HEATR9: variants seen among roughly 807,000 people sequenced by gnomAD.
HEATR9 encodes HEAT repeat containing 9.
In HEATR9, 54 loss-of-function variants were observed where a neutral mutation model predicts 68.2. The ratio of observed to expected loss-of-function variants is 0.79; its 90% CI spans 0.64 to 0.99. The LOEUF (loss-of-function observed/expected upper bound fraction) is 0.99. Ranked by LOEUF, HEATR9 falls within the 50% of genes least tolerant of loss-of-function variation. The pLI, the probability that HEATR9 is intolerant of heterozygous loss-of-function variation, is 0.00. For synonymous variants in HEATR9, 241 were observed against 253.5 expected (o/e 0.95, Z 0.47); for missense variants, 662 against 679.7 (o/e 0.97, Z 0.29).
chr17:35,860,075 G>T (rs1471337869), intron 8 of HEATR9, among the ~76,000 whole-genome samples: 1 of 151,932 alleles, frequency 6.6e-6, no homozygotes, highest in Admixed American at 6.6e-5. Flanking sequence ...ATCTCTTCTC[G>T]CCTATTTAAG....
At position 35,866,740 on chromosome 17, in the gene HEATR9, G is replaced by T; in HGVS notation, c.122C>A (p.Pro41His). ...LRKAMAPVHL[P>H]LSCYQMPKEE... ...GGGTCTTACCTGGTAGCAGGACAAGGGCAGATGAACAGGAGCCATGGCTTT... is the reference window on the plus strand; with the variant it reads ...GGGTCTTACCTGGTAGCAGGACAAGTGCAGATGAACAGGAGCCATGGCTTT... The change falls in exon 2 of 15, where the codon CCC becomes CAC. Residue 41 changes from proline (P) to histidine (H), a missense_variant. Transcript: ENST00000604834. 1 of 1,614,090 alleles carries T rather than the reference G, an allele frequency of 6.2e-7. No individual in the cohort carries two copies. The highest frequency in any genetic ancestry group is 2.2e-5 in the East Asian group (1 of 44,890).
rs765954145 is a variant in HEATR9, at chr17:35,864,860, G to C, written c.351C>G (p.Ile117Met). 1 of 1,614,218 alleles carries C rather than the reference G, an allele frequency of 6.2e-7. No homozygotes were observed. Among genetic ancestry groups the C allele is most frequent in the South Asian group, 1.1e-5 (1 of 91,092 alleles). Residue 117 changes from isoleucine to methionine, a missense_variant, in exon 4 of 15, where the codon ATC becomes ATG. Transcript: ENST00000604834. The stretch of plus-strand genomic sequence containing the variant: ...TGCTCATTGGGAGATGGAACATTTT[G>C]ATGTGGGTTTGATGTACCTCTTTGA... Reference protein sequence around the residue: ...RYIKEVHQTHIKMFHLPMSKL... With the variant: ...RYIKEVHQTHMKMFHLPMSKL...
In HEATR9 at chr17:35,862,446, G is replaced by C. The variant is rs575869972; in HGVS notation, c.756+549C>G. Among the ~76,000 whole-genome samples the C allele has an allele frequency of 2.0e-5, 3 of 152,270 alleles. No homozygotes were observed. In the South Asian group the frequency reaches 6.2e-4, roughly 32 times the overall value. On this transcript the variant is annotated intron_variant, in intron 8 of 14. Coordinates refer to ENST00000604834, the MANE Select transcript of HEATR9 (RefSeq NM_152781.4). ...GGGTCTGAGGACTCTCTTGGGCCCCGTCCCTTCTTGACAGGTTTTACCATA... is the reference window on the plus strand; with the variant it reads ...GGGTCTGAGGACTCTCTTGGGCCCCCTCCCTTCTTGACAGGTTTTACCATA...
At chr17:35,868,130 C>T (rs190512195) in intron 1 of HEATR9, among the ~76,000 whole-genome samples, 4 of 152,264 alleles carry the variant, frequency 2.6e-5, no homozygotes, top group Admixed American at 2.6e-4. Flanking sequence ...CATGGGATCA[C>T]GCTTTGAGGA....
chr17:35,857,266 A>G (rs2087806735), intron 11 of HEATR9, among the ~76,000 whole-genome samples: 1 of 152,180 alleles, frequency 6.6e-6, no homozygotes, highest in African/African-American at 2.4e-5. Context: ...GACAACAGGT[A>G]TAAATCAGGA....
intron 6 of HEATR9, 110 bp downstream of exon 6, chr17:35,864,136 G>T: frequency 1.2e-6 from 1 of 845,106 alleles, no homozygotes; most frequent in Non-Finnish European, 2.0e-6. Flanking sequence ...TGTCCTTACT[G>T]GATCTGACCC....
intron 9 of HEATR9, 23 bp from the exon 10 acceptor site, chr17:35,858,548 A>G (rs1485730948): frequency 6.3e-7 from 1 of 1,599,410 alleles, no homozygotes; most frequent in African/African-American, 1.3e-5. Flanking sequence ...AGGGTAGGGC[A>G]GGGTGTACAG....
At chr17:35,860,089 A>AT (rs1450820214) in intron 8 of HEATR9, among the ~76,000 whole-genome samples, 1 of 152,122 alleles carries the variant, frequency 6.6e-6, no homozygotes, top group Non-Finnish European at 1.5e-5. Flanking sequence ...ATTTAAGGAC[A>AT]TCATTTAAGA....
At position 35,859,017 on chromosome 17, in the gene HEATR9, G is replaced by A. The variant is rs776979011; in HGVS notation, c.810C>T (p.Ile270=). 4 of 1,614,082 alleles carry A rather than the reference G, an allele frequency of 2.5e-6. No individual in the cohort carries two copies. The East Asian group carries it at 6.7e-5, about 27-fold the overall frequency. Residue 270 remains isoleucine, a synonymous_variant, in exon 9 of 15, where the codon ATC becomes ATT. Transcript: ENST00000604834. The part of the protein sequence containing the change: ...GKLVPVLQTL[I]KKSSSEASLE... ...GAGATGCTTCACTGGACGACTTCTT[G>A]ATCAGTGTCTGTAGTACAGGCACCA...
chr17:35,858,278 CA>C lies in HEATR9; in HGVS notation c.1073del (p.Leu358ArgfsTer9). ...CTAGCCCCTGTGCCTGGATCTGTTC[CA>C]GCCCAATGGTCTTGAGCATTTGGGT... is the stretch of plus-strand genomic sequence containing the variant. ...EATQMLKTIGLEQIQAQGLEE... is the reference protein window; with the variant it reads ...EATQMLKTIGXEQIQAQGLEE... On this transcript the variant is annotated frameshift_variant, in exon 11 of 15. Transcript: ENST00000604834. LOFTEE classifies it high-confidence loss of function. The C allele has an allele frequency of 6.2e-7, 1 of 1,614,164 alleles. No homozygotes were observed. The highest frequency in any genetic ancestry group is 2.2e-5 in the East Asian group (1 of 44,886).
Position 35,866,709 on chromosome 17 carries a change from A to T in HEATR9, c.138+15T>A. 1 of 1,612,930 alleles carries T rather than the reference A, an allele frequency of 6.2e-7. No homozygotes were observed. Among genetic ancestry groups the T allele is most frequent in the South Asian group, 1.1e-5 (1 of 91,054 alleles). ...TTGATACAGCTCCCAGGGTAGCAAA[A>T]GTAAGGGGTCTTACCTGGTAGCAGG... On this transcript the variant is annotated intron_variant, in intron 2 of 14. Coordinates refer to ENST00000604834, the MANE Select transcript of HEATR9 (RefSeq NM_152781.4).
Position 35,858,897 on chromosome 17 carries a change from C to T in HEATR9, c.930G>A (p.Gln310=), listed in dbSNP as rs747577200. Residue 310 remains glutamine (Q), a synonymous_variant, in exon 9 of 15, where the codon CAG becomes CAA. Transcript: ENST00000604834. ...LQCLCQGLKT[Q]RMKALRMLVK... is the part of the protein sequence containing the mutation. ...CTCCTGCCCCTCACACCTTCATCCGCTGGGTCTTGAGTCCTTGGCACAGGC... is the reference window on the plus strand; with the variant it reads ...CTCCTGCCCCTCACACCTTCATCCGTTGGGTCTTGAGTCCTTGGCACAGGC... 8 of 1,613,662 alleles carry T rather than the reference C, an allele frequency of 5.0e-6. No individual in the cohort carries two copies. The highest frequency in any genetic ancestry group is 6.8e-6 in the Non-Finnish European group (8 of 1,179,918).
Position 35,858,262 on chromosome 17 carries a change from G to A in HEATR9, c.1090C>T (p.Gln364Ter), listed in dbSNP as rs771861641. The change falls in exon 11 of 15, where the codon CAG becomes TAG. Residue 364 changes from glutamine to a stop codon, truncating the protein, a stop_gained. Transcript: ENST00000604834. LOFTEE classifies it high-confidence loss of function. ...KTIGLEQIQAQGLEELTFNLL... is the reference protein window; with the variant it reads ...KTIGLEQIQA The stretch of plus-strand genomic sequence containing the variant: ...TTAAATGTGAGTTCCTCTAGCCCCT[G>A]TGCCTGGATCTGTTCCAGCCCAATG... The A allele has an allele frequency of 6.2e-7, 1 of 1,614,172 alleles. No individual in the cohort carries two copies. Among genetic ancestry groups the A allele is most frequent in the South Asian group, 1.1e-5 (1 of 91,070 alleles).
intron 10 of HEATR9, 28 bp from the exon 11 acceptor site, chr17:35,858,347 G>A (rs1351775629): frequency 6.2e-7 from 1 of 1,614,140 alleles, no homozygotes; most frequent in East Asian, 2.2e-5. Flanking sequence ...GGTTAGTGGG[G>A]AGGTGTGAAA....
rs567507857 is a variant in HEATR9 at position 35,861,084 on chromosome 17, C to A, written c.756+1911G>T. The A allele has an allele frequency of 4.7e-5, 44 of 930,214 alleles. No homozygotes were observed. The African/African-American group carries it at 5.7e-4, about 12-fold the overall frequency. The allele number at this position is 930,214 out of a possible 1,614,324, so 57.6% of individuals were successfully genotyped here. ...AATGGTTACAGAGATTTTAAAGAAG[C>A]ATCCTCTTGTCCACATCCTCTTGTA... On this transcript the variant is annotated intron_variant, in intron 8 of 14. Coordinates refer to ENST00000604834, the MANE Select transcript of HEATR9 (RefSeq NM_152781.4).
Position 35,855,088 on chromosome 17 carries a change from C to T in HEATR9, c.1688G>A (p.Arg563Gln), listed in dbSNP as rs115378033. The change falls in exon 15 of 15, where the codon CGG becomes CAG. Residue 563 changes from arginine (R) to glutamine (Q), a missense_variant. Physicochemically the swap from Arg to Gln is conservative, Grantham distance 43. Transcript: ENST00000604834. Reference protein sequence around the residue: ...PWQPRIKKQLRVLAEIAK With the variant: ...PWQPRIKKQLQVLAEIAK ...TTATTTGGCAATTTCAGCAAGGACC[C>T]GGAGCTGTTTCTTGATCCTTGGCTG... 1,448 of 1,613,632 alleles carry T rather than the reference C, an allele frequency of 9.0e-4. 12 individuals are homozygous for T. In the African/African-American group the frequency reaches 0.014, roughly 16 times the overall value.
At chr17:35,859,102 G>A (rs925398045) in intron 8 of HEATR9, 32 bp from the exon 9 acceptor site, 1 of 1,589,884 alleles carries the variant, frequency 6.3e-7, no homozygotes, top group African/African-American at 1.3e-5. Flanking sequence ...TAAGGGGAGG[G>A]GCTATGTACT....
intron 8 of HEATR9, chr17:35,861,546 A>G (rs568910677): frequency 2.4e-6 from 2 of 827,702 alleles, no homozygotes; most frequent in Admixed American, 1.7e-5. Flanking sequence ...TCGAAGAGAA[A>G]TAACACTTCT....
intron 8 of HEATR9, chr17:35,861,121 AT>A: frequency 8.3e-7 from 1 of 1,203,628 alleles, no homozygotes; most frequent in Non-Finnish European, 1.2e-6. Context: ...CTGTTGTACC[AT>A]TTTCTCTTCC....
Sources: allele counts gnomAD v4.1 joint callset (sites outside exome capture counted in the v4.1 genomes callset), GRCh38; gene constraint gnomAD v4.1.1; transcripts MANE v1.5; gene names NCBI Gene and HGNC (gene_info 2026-07-23, HGNC 2026-07-21).